The following ITGAV variants were observed in gnomAD, a reference collection of about 807,000 sequenced individuals.
ITGAV encodes the protein integrin subunit alpha V, also known as integrin alpha-V.
Under a neutral mutation model 143.8 loss-of-function variants are expected in ITGAV, and 76 were observed. The observed-to-expected ratio is 0.53, with a 90% CI of 0.44 to 0.64. The LOEUF (loss-of-function observed/expected upper bound fraction) is 0.64. Ranked by LOEUF, ITGAV falls within the 30% of genes least tolerant of loss-of-function variation. The pLI is 0.00. For missense variants in ITGAV, 1,193 were observed against 1,274.7 expected (o/e 0.94, Z 0.98); for synonymous variants, 453 against 446.7 (o/e 1.01, Z -0.18).
At position 186,676,942 on chromosome 2, in the gene ITGAV, A is replaced by G. The variant is rs1233530204; in HGVS notation, c.3051+7A>G. ...GGTATTTGTAATGTACAGGGTAAGT[A>G]ACGGACTTAGAAAGAAGGAGAGAGG... On this transcript the variant is annotated splice_region_variant and intron_variant, in intron 29 of 29. Coordinates refer to ENST00000261023, the MANE Select transcript of ITGAV (RefSeq NM_002210.5). 6.2e-7 allele frequency: 1 copy of G among 1,612,414 alleles called. No homozygotes were observed. Among genetic ancestry groups the G allele is most frequent in the Admixed American group, 1.7e-5 (1 of 59,790 alleles).
chr2:186,616,468 C>T (rs1357807594), intron 2 of ITGAV, among the ~76,000 whole-genome samples: 1 of 151,344 alleles, frequency 6.6e-6, no homozygotes, highest in Non-Finnish European at 1.5e-5. Context: ...TTAGTAGAGA[C>T]GGGGTTTCAC....
intron 2 of ITGAV, among the ~76,000 whole-genome samples, chr2:186,618,214 A>G (rs528743816): frequency 6.6e-6 from 1 of 152,358 alleles, no homozygotes; most frequent in Admixed American, 6.5e-5. Flanking sequence ...TAGTAAAGAC[A>G]AACTTCCTAA....
intron 5 of ITGAV, among the ~76,000 whole-genome samples, chr2:186,632,744 A>G (rs1349415088): frequency 2.0e-5 from 3 of 152,138 alleles, no homozygotes; most frequent in Non-Finnish European, 4.4e-5. Context: ...TATAGTCACA[A>G]ATTTAATATA....
At chr2:186,648,347 A>G (rs901455447) in intron 13 of ITGAV, among the ~76,000 whole-genome samples, 3 of 152,214 alleles carry the variant, frequency 2.0e-5, no homozygotes, top group African/African-American at 7.2e-5. Flanking sequence ...AGCACTCACC[A>G]GCAGTAAATG....
chr2:186,670,473 G>A (rs1171652707), intron 26 of ITGAV, among the ~76,000 whole-genome samples: 1 of 151,938 alleles, frequency 6.6e-6, no homozygotes, highest in African/African-American at 2.4e-5. Context: ...GCTAAGTTTT[G>A]TATTTTTTGT....
chr2:186,679,096 A>G lies in ITGAV; in HGVS notation c.*1804A>G, dbSNP rs1181831458. On this transcript the variant is annotated 3_prime_UTR_variant, in exon 30 of 30. Transcript: ENST00000261023. ...CAGTAAGTATTTTTATTACCAATAAATTTAAAATTTTTTAAGAAAAATATT... is the reference window on the plus strand; with the variant it reads ...CAGTAAGTATTTTTATTACCAATAAGTTTAAAATTTTTTAAGAAAAATATT... 6.5e-6 allele frequency: 1 copy of G among 153,052 alleles called. No individual in the cohort carries two copies. The highest frequency in any genetic ancestry group is 1.5e-5 in the Non-Finnish European group (1 of 68,602). The allele number at this position is 153,052 out of a possible 1,614,324, so 9.5% of individuals were successfully genotyped here.
At chr2:186,609,906 A>G (rs1273805579) in intron 2 of ITGAV, among the ~76,000 whole-genome samples, 1 of 152,050 alleles carries the variant, frequency 6.6e-6, no homozygotes, top group African/African-American at 2.4e-5. Flanking sequence ...GATATAAATG[A>G]GTTTTTAAAA....
At chr2:186,665,096 ATTT>A (rs35994921) in intron 20 of ITGAV, 27 bp from the exon 21 acceptor site, 26,224 of 988,880 alleles carry the variant, frequency 0.027, no homozygotes, top group South Asian at 0.035. Context: ...TTTCATATCC[ATTT>A]TTTTTTTTTT....
chr2:186,641,296 A>C (rs913375660), intron 11 of ITGAV, 90 bp from the exon 12 acceptor site: 3 of 986,106 alleles, frequency 3.0e-6, no homozygotes. Context: ...GAGATGCAGA[A>C]AGAGGAAAAG....
chr2:186,642,613 C>A (rs1208547202), intron 12 of ITGAV, among the ~76,000 whole-genome samples: 2 of 149,532 alleles, frequency 1.3e-5, no homozygotes, highest in Non-Finnish European at 3.0e-5. Context: ...TGGCTCACTG[C>A]AGCCTCAACC....
In ITGAV at chr2:186,664,623, G is replaced by T; in HGVS notation, c.2055G>T (p.Gly685=). The change falls in exon 20 of 30, where the codon GGG becomes GGT. Residue 685 remains glycine (G), a synonymous_variant. Transcript: ENST00000261023. ...VSIPLQADFI[G]VVRNNEALAR... is the part of the protein sequence containing the mutation. ...TTCCACTGCAGGCTGATTTCATCGG[G>T]GTTGTCCGAAACAATGAAGTAAGCA... The T allele has an allele frequency of 6.2e-7, 1 of 1,613,976 alleles. No individual in the cohort carries two copies. Among genetic ancestry groups the T allele is most frequent in the Non-Finnish European group, 8.5e-7 (1 of 1,179,920 alleles).
At position 186,641,459 on chromosome 2, in the gene ITGAV, C is replaced by T; in HGVS notation, c.1030C>T (p.Gln344Ter). 6.2e-7 allele frequency: 1 copy of T among 1,614,038 alleles called. No homozygotes were observed. The highest frequency in any genetic ancestry group is 1.1e-5 in the South Asian group (1 of 91,076). ...TGATGGCAAACTCCAAGAGGTGGGG[C>T]AGGTCTCAGTGTCTCTACAGAGAGC... The part of the protein sequence containing the change: ...GSDGKLQEVG[Q>*]VSVSLQRASG... Residue 344 changes from glutamine (Q) to a stop codon, truncating the protein, a stop_gained, in exon 12 of 30, where the codon CAG becomes TAG. Coordinates refer to ENST00000261023, the MANE Select transcript of ITGAV (RefSeq NM_002210.5). LOFTEE classifies it high-confidence loss of function.
chr2:186,637,214 G>A (rs571342650), intron 8 of ITGAV, 105 bp downstream of exon 8: 4 of 890,748 alleles, frequency 4.5e-6, no homozygotes, highest in African/African-American at 3.3e-5. Context: ...GGGTGCTGTG[G>A]CTGCAGCCTG....
At chr2:186,676,581 C>CA (rs1223416709) in intron 28 of ITGAV, among the ~76,000 whole-genome samples, 2 of 151,590 alleles carry the variant, frequency 1.3e-5, no homozygotes, top group South Asian at 2.1e-4. Flanking sequence ...GAGACTCTGT[C>CA]AAAAAAAAGG....
chr2:186,601,965 G>A (rs1686920059), intron 1 of ITGAV, 56 bp from the exon 2 acceptor site: 1 of 1,538,332 alleles, frequency 6.5e-7, no homozygotes, highest in Non-Finnish European at 8.8e-7. Context: ...TAAATCAGAA[G>A]ATATTGCTTA....
intron 1 of ITGAV, among the ~76,000 whole-genome samples, chr2:186,598,436 A>ATTTT (rs34986292): frequency 2.6e-5 from 3 of 117,398 alleles, no homozygotes; most frequent in Non-Finnish European, 3.4e-5. Context: ...TACTCATAGC[A>ATTTT]TTTTTTTTTT....
In ITGAV at chr2:186,656,259, A is replaced by G; in HGVS notation, c.1577A>G (p.Glu526Gly). ...VLPRKLNFQV[E>G]LLLDKLKQKG... ...TTGGTTTACATAGATTTCCAGGTGG[A>G]ACTTCTTTTGGATAAACTCAAGCAA... Residue 526 changes from glutamate to glycine, a missense_variant, in exon 17 of 30, where the codon GAA becomes GGA. By Grantham distance (98) the Glu-to-Gly change is moderately conservative. Coordinates refer to ENST00000261023, the MANE Select transcript of ITGAV (RefSeq NM_002210.5). 1.3e-6 allele frequency: 2 copies of G among 1,580,884 alleles called. No homozygotes were observed. The highest frequency in any genetic ancestry group is 1.9e-5 in the Admixed American group (1 of 52,310).
chr2:186,664,782 C>T, intron 20 of ITGAV, 141 bp downstream of exon 20: 1 of 1,021,490 alleles, frequency 9.8e-7, no homozygotes, highest in Non-Finnish European at 1.4e-6. Context: ...GCCTATCTTA[C>T]ATAATTCCTT....
chr2:186,599,010 C>T (rs1276188555), intron 1 of ITGAV, among the ~76,000 whole-genome samples: 1 of 152,056 alleles, frequency 6.6e-6, no homozygotes, highest in Admixed American at 6.5e-5. Context: ...CAGCTACTAC[C>T]CAGAATAAGA....
Sources: gnomAD v4.1 joint callset for allele counts (sites outside exome capture counted in the v4.1 genomes callset) on GRCh38, gnomAD v4.1.1 for gene constraint, MANE v1.5 for transcripts, NCBI Gene and HGNC (gene_info 2026-07-23, HGNC 2026-07-21) for gene names.